Variants in CDH13 observed in about 807,000 individuals in gnomAD.
The protein encoded by CDH13 is cadherin 13.
Under a neutral mutation model 63.8 loss-of-function variants are expected in CDH13, and 24 were observed. That is an observed-to-expected ratio of 0.38 (90% CI 0.27 to 0.53). CDH13 has a LOEUF of 0.53. Among genes scored for constraint, CDH13 ranks in the 20% least tolerant of loss-of-function variants. CDH13 has a pLI of 0.85. For missense variants in CDH13, 1,049 were observed against 903.1 expected, an observed-to-expected ratio of 1.16 and a Z score of -2.07; for synonymous variants, 503 against 355.3, an observed-to-expected ratio of 1.42 and a Z score of -4.67.
chr16:82,940,266 C>A (rs1358780873), intron 2 of CDH13, among the ~76,000 whole-genome samples: 1 of 152,182 alleles, frequency 6.6e-6, no homozygotes, highest in Admixed American at 6.5e-5. Context: ...CACTTGAATA[C>A]GTTGCCTTGA....
At chr16:83,474,002 G>T (rs1360067808) in intron 6 of CDH13, among the ~76,000 whole-genome samples, 2 of 152,048 alleles carry the variant, frequency 1.3e-5, no homozygotes. Context: ...ACCAACTTTT[G>T]TATTCATTCA....
intron 4 of CDH13, among the ~76,000 whole-genome samples, chr16:83,147,423 C>T (rs1413578001): frequency 6.6e-6 from 1 of 152,152 alleles, no homozygotes. Context: ...TCTCAACATT[C>T]CTCAGGGCTC....
At chr16:82,889,985 TC>T (rs1266006419) in intron 2 of CDH13, among the ~76,000 whole-genome samples, 1 of 152,236 alleles carries the variant, frequency 6.6e-6, no homozygotes, top group East Asian at 1.9e-4. Context: ...GGGTACTGTC[TC>T]CCAGTACTTT....
intron 1 of CDH13, among the ~76,000 whole-genome samples, chr16:82,849,656 G>A (rs2039400313): frequency 6.6e-6 from 1 of 152,182 alleles, no homozygotes; most frequent in African/African-American, 2.4e-5. Context: ...TCTTATACTG[G>A]ATGAAGATCC....
chr16:83,064,803 T>A (rs956679425), intron 3 of CDH13, among the ~76,000 whole-genome samples: 1 of 152,228 alleles, frequency 6.6e-6, no homozygotes, highest in Non-Finnish European at 1.5e-5. Flanking sequence ...AATGGTATAA[T>A]TAAATCAAGC....
intron 2 of CDH13, among the ~76,000 whole-genome samples, chr16:82,874,076 C>T (rs971790499): frequency 6.6e-6 from 1 of 151,978 alleles, no homozygotes; most frequent in Admixed American, 6.6e-5. Context: ...TTACACGATT[C>T]TACGAGCGGG....
chr16:82,847,303 G>A (rs2039302449), intron 1 of CDH13, among the ~76,000 whole-genome samples: 1 of 152,104 alleles, frequency 6.6e-6, no homozygotes, highest in Non-Finnish European at 1.5e-5. Context: ...GTTCAAAATG[G>A]GCTTCACTGG....
intron 2 of CDH13, among the ~76,000 whole-genome samples, chr16:82,870,180 A>C (rs2040294757): frequency 1.3e-5 from 2 of 152,232 alleles, no homozygotes. Flanking sequence ...CGTTTCTCAA[A>C]GGAAGACAAA....
At chr16:82,819,471 C>T (rs2037892513) in intron 1 of CDH13, among the ~76,000 whole-genome samples, 1 of 152,328 alleles carries the variant, frequency 6.6e-6, no homozygotes, top group Non-Finnish European at 1.5e-5. Context: ...GCCTGTCCCA[C>T]TGTTCCTCCA....
intron 7 of CDH13, among the ~76,000 whole-genome samples, chr16:83,569,286 C>A (rs1904351079): frequency 1.3e-5 from 2 of 152,096 alleles, no homozygotes; most frequent in Non-Finnish European, 2.9e-5. Context: ...TTGGAACCAG[C>A]TCCACACTGC....
chr16:83,269,499 A>G (rs532134234), intron 5 of CDH13, among the ~76,000 whole-genome samples: 1 of 149,974 alleles, frequency 6.7e-6, no homozygotes, highest in Non-Finnish European at 1.5e-5. Flanking sequence ...TCTTAAACAG[A>G]TCTTAGAATA....
intron 9 of CDH13, among the ~76,000 whole-genome samples, chr16:83,673,030 G>A (rs947309235): frequency 7.9e-5 from 12 of 152,144 alleles, no homozygotes; most frequent in African/African-American, 2.7e-4. Context: ...TATGTACTTC[G>A]TGCATTACTG....
At chr16:82,879,779 T>C (rs1361272005) in intron 2 of CDH13, among the ~76,000 whole-genome samples, 1 of 137,822 alleles carries the variant, frequency 7.3e-6, no homozygotes, top group Admixed American at 7.7e-5. Context: ...ATATATAATA[T>C]ATAAGTATAT....
chr16:83,368,409 A>T (rs540896931), intron 6 of CDH13, among the ~76,000 whole-genome samples: 2 of 152,294 alleles, frequency 1.3e-5, no homozygotes, highest in East Asian at 3.9e-4. Flanking sequence ...ATGACTTAGG[A>T]CGCATTTTCC....
chr16:83,175,218 T>C (rs1011404357), intron 4 of CDH13, among the ~76,000 whole-genome samples: 1 of 152,116 alleles, frequency 6.6e-6, no homozygotes, highest in East Asian at 1.9e-4. Flanking sequence ...ACATAAGATA[T>C]TGGCATGGAT....
intron 13 of CDH13, among the ~76,000 whole-genome samples, chr16:83,793,435 C>G (rs574144557): frequency 1.6e-4 from 24 of 152,162 alleles, no homozygotes; most frequent in Non-Finnish European, 2.8e-4. Flanking sequence ...GGAGGAGCCA[C>G]GAGCAGGTGC....
At chr16:83,575,189 T>C (rs1904995130) in intron 7 of CDH13, among the ~76,000 whole-genome samples, 1 of 152,232 alleles carries the variant, frequency 6.6e-6, no homozygotes, top group Non-Finnish European at 1.5e-5. Context: ...ATGGAATTTT[T>C]CTTTGGGGTG....
At chr16:82,649,889 A>G (rs1910524695) in intron 1 of CDH13, among the ~76,000 whole-genome samples, 1 of 152,188 alleles carries the variant, frequency 6.6e-6, no homozygotes, top group Non-Finnish European at 1.5e-5. Flanking sequence ...TAAGCTCTAT[A>G]TCCTGGGGTT....
intron 5 of CDH13, among the ~76,000 whole-genome samples, chr16:83,237,236 C>T (rs1313478814): frequency 1.3e-5 from 2 of 152,198 alleles, no homozygotes; most frequent in African/African-American, 4.8e-5. Context: ...CTGCCTGTCT[C>T]AGCAAAGAGC....
Sources: allele counts gnomAD v4.1 joint callset (sites outside exome capture counted in the v4.1 genomes callset), GRCh38; gene constraint gnomAD v4.1.1; transcripts MANE v1.5; gene names NCBI Gene and HGNC (gene_info 2026-07-23, HGNC 2026-07-21).